Variants in TMEM266 observed in about 807,000 individuals in gnomAD.
The protein encoded by TMEM266 is transmembrane protein 266.
A neutral mutation model predicts 50.5 loss-of-function variants in TMEM266; 33 were observed. The ratio of observed to expected loss-of-function variants is 0.65; its 90% CI spans 0.50 to 0.87. The LOEUF is 0.87. Among genes scored for constraint, TMEM266 ranks in the 40% least tolerant of loss-of-function variants. The pLI is 0.00. For missense variants in TMEM266, 655 were observed against 695.1 expected (o/e 0.94, Z 0.65); for synonymous variants, 310 against 292.3 (o/e 1.06, Z -0.62).
Position 76,183,103 on chromosome 15 carries a change from CTTTTTTTTTTTTTTTT to C in TMEM266, c.768+7444_768+7459del, listed in dbSNP as rs71140199. Reference sequence around the variant, plus strand: ...CCTCCAGGCTGCTTCCATTTTGTGGCTTTTTTTTTTTTTTTTTTTTTTTTTTTTTTGAGATGGAGTC... The same window carrying C: ...CCTCCAGGCTGCTTCCATTTTGTGGCTTTTTTTTTTTTTTGAGATGGAGTC... On this transcript the variant is annotated intron_variant, in intron 8 of 10. Transcript: ENST00000388942. 8.2e-4 allele frequency among the ~76,000 whole-genome samples: 36 copies of C among 44,168 alleles called. 1 individual carries two copies. The highest frequency in any genetic ancestry group is 2.5e-3 in the African/African-American group (29 of 11,430). 29.0% of individuals were successfully genotyped at this position (44,168 alleles called of 152,430 possible). A position where few individuals can be genotyped will look rare whatever the true frequency, so the allele number is the denominator to read the frequency against.
At chr15:76,123,329 T>TA (rs1321365114) in intron 1 of TMEM266, among the ~76,000 whole-genome samples, 1 of 152,168 alleles carries the variant, frequency 6.6e-6, no homozygotes. Context: ...GCACAAGAAA[T>TA]ACAACCTTCT....
chr15:76,163,083 A>C (rs1297881636), intron 5 of TMEM266, among the ~76,000 whole-genome samples: 1 of 152,170 alleles, frequency 6.6e-6, no homozygotes, highest in Non-Finnish European at 1.5e-5. Context: ...AGGACATTTT[A>C]TGAGTTGTGA....
rs144732625 is a variant in TMEM266 at position 76,149,704 on chromosome 15, C to T, written c.228-6900C>T. On this transcript the variant is annotated intron_variant, in intron 3 of 10. Coordinates refer to ENST00000388942, the MANE Select transcript of TMEM266 (RefSeq NM_152335.3). ...GGAGACAGTAGTTGCCAGCAACAGC[C>T]AAACAGATGGAAAAGTCTGGCTTTC... 3.9e-4 allele frequency among the ~76,000 whole-genome samples: 60 copies of T among 152,258 alleles called. 1 individual carries two copies. The East Asian group carries it at 0.012, about 29-fold the overall frequency.
Position 76,204,430 on chromosome 15 carries a change from A to G in TMEM266, c.*115A>G. ...CCCAGGAGCCCACCTGGCCTCCCTCAGGGTGCTGCCTGCCTCCAGGGAGGC... is the reference window on the plus strand; with the variant it reads ...CCCAGGAGCCCACCTGGCCTCCCTCGGGGTGCTGCCTGCCTCCAGGGAGGC... On this transcript the variant is annotated 3_prime_UTR_variant, in exon 11 of 11. Transcript: ENST00000388942. 1 of 1,033,796 alleles carries G rather than the reference A, an allele frequency of 9.7e-7. No individual in the cohort carries two copies. Among genetic ancestry groups the G allele is most frequent in the Non-Finnish European group, 1.4e-6 (1 of 718,234 alleles). 64.0% of individuals were successfully genotyped at this position (1,033,796 alleles called of 1,614,324 possible).
chr15:76,080,500 T>C (rs915182371), intron 1 of TMEM266, among the ~76,000 whole-genome samples: 9 of 151,564 alleles, frequency 5.9e-5, no homozygotes, highest in Admixed American at 3.9e-4. Flanking sequence ...CCGCCCGCCT[T>C]AGCCTCCCAA....
Position 76,166,709 on chromosome 15 carries a change from AAAG to A in TMEM266, c.457-3103_457-3101del, listed in dbSNP as rs543037934. Among the ~76,000 whole-genome samples, 296 of 152,294 alleles carry A rather than the reference AAAG, an allele frequency of 1.9e-3. 1 individual carries two copies. Among genetic ancestry groups the A allele is most frequent in the African/African-American group, 6.8e-3 (282 of 41,562 alleles). On this transcript the variant is annotated intron_variant, in intron 5 of 10. Transcript: ENST00000388942. ...TTCAGCTAAGAAGAGTGTTGTTTCT[AAAG>A]AAGCATGATGATTCCTCTTATTTGA...
intron 8 of TMEM266, among the ~76,000 whole-genome samples, chr15:76,179,998 G>A (rs993938923): frequency 6.6e-6 from 1 of 152,006 alleles, no homozygotes; most frequent in African/African-American, 2.4e-5. Flanking sequence ...TCACTCCCTT[G>A]CTCTCTTGCT....
chr15:76,155,737 TAAC>T (rs1261197201), intron 3 of TMEM266, among the ~76,000 whole-genome samples: 1 of 152,172 alleles, frequency 6.6e-6, no homozygotes, highest in African/African-American at 2.4e-5. Context: ...TTGCATCAAA[TAAC>T]AACTATGAAC....
intron 1 of TMEM266, among the ~76,000 whole-genome samples, chr15:76,097,963 A>G (rs562642101): frequency 1.8e-4 from 28 of 152,026 alleles, no homozygotes; most frequent in Non-Finnish European, 3.4e-4. Context: ...CAGGTCATTT[A>G]TGTTCTTCTC....
intron 3 of TMEM266, among the ~76,000 whole-genome samples, chr15:76,154,599 ACCATCC>A (rs1393890742): frequency 2.6e-5 from 4 of 152,058 alleles, no homozygotes; most frequent in East Asian, 1.9e-4. Context: ...GTTCACATCG[ACCATCC>A]CCAGCCCCAT....
intron 9 of TMEM266, 71 bp downstream of exon 9, chr15:76,192,228 C>A: frequency 7.5e-7 from 1 of 1,325,118 alleles, no homozygotes; most frequent in East Asian, 3.1e-5. Flanking sequence ...TCTCGCGCCC[C>A]GGGACTGTGC....
chr15:76,170,346 T>C (rs2038168309), intron 6 of TMEM266, among the ~76,000 whole-genome samples: 2 of 152,168 alleles, frequency 1.3e-5, no homozygotes, highest in Non-Finnish European at 1.5e-5. Flanking sequence ...CCAGATCTGC[T>C]GCCCACTCCT....
rs1014401154 is a variant in TMEM266, at chr15:76,145,339, A to G, written c.227+7444A>G. Among the ~76,000 whole-genome samples the G allele has an allele frequency of 2.4e-3, 303 of 123,898 alleles. 1 individual carries two copies. Among genetic ancestry groups the G allele is most frequent in the African/African-American group, 7.8e-3 (295 of 38,002 alleles). 81.3% of individuals were successfully genotyped at this position (123,898 alleles called of 152,430 possible). A position where few individuals can be genotyped will look rare whatever the true frequency, so the allele number is the denominator to read the frequency against. ...CTTCCTGCTGCGACAGGAACCAGTGATTTCCACTGGAAATGGTGATTTCCA... is the reference window on the plus strand; with the variant it reads ...CTTCCTGCTGCGACAGGAACCAGTGGTTTCCACTGGAAATGGTGATTTCCA... On this transcript the variant is annotated intron_variant, in intron 3 of 10. Transcript: ENST00000388942.
chr15:76,086,642 G>A (rs1596095054), intron 1 of TMEM266, among the ~76,000 whole-genome samples: 1 of 152,266 alleles, frequency 6.6e-6, no homozygotes, highest in East Asian at 1.9e-4. Context: ...GTTTCCTATT[G>A]GTTACTTGCT....
intron 3 of TMEM266, among the ~76,000 whole-genome samples, chr15:76,146,891 C>T (rs2037764546): frequency 6.6e-6 from 1 of 152,232 alleles, no homozygotes. Flanking sequence ...GAGCTCTGCT[C>T]CTCTCTTTAC....
chr15:76,187,636 G>A (rs1349314169), intron 8 of TMEM266, among the ~76,000 whole-genome samples: 4 of 152,216 alleles, frequency 2.6e-5, no homozygotes, highest in African/African-American at 9.6e-5. Flanking sequence ...TAAGTGCTGG[G>A]TTGTTGAGGT....
chr15:76,130,666 A>G (rs1247109501), intron 1 of TMEM266, among the ~76,000 whole-genome samples: 1 of 152,262 alleles, frequency 6.6e-6, no homozygotes, highest in East Asian at 1.9e-4. Context: ...TCTAGGATTT[A>G]TTCCAAAACA....
chr15:76,135,160 A>G (rs1298116720), intron 2 of TMEM266, among the ~76,000 whole-genome samples: 2 of 152,238 alleles, frequency 1.3e-5, no homozygotes, highest in East Asian at 3.8e-4. Context: ...AGCGTTCAGC[A>G]TTTTTGATGG....
At chr15:76,086,208 T>C (rs935131715) in intron 1 of TMEM266, among the ~76,000 whole-genome samples, 1 of 152,202 alleles carries the variant, frequency 6.6e-6, no homozygotes, top group Non-Finnish European at 1.5e-5. Flanking sequence ...AGCAAACTAC[T>C]CATAGATGCA....
Sources: gnomAD v4.1 joint callset for allele counts (sites outside exome capture counted in the v4.1 genomes callset) on GRCh38, gnomAD v4.1.1 for gene constraint, MANE v1.5 for transcripts, NCBI Gene and HGNC (gene_info 2026-07-23, HGNC 2026-07-21) for gene names.